The following WIPF3 variants were observed in gnomAD, a reference collection of about 807,000 sequenced individuals.
WIPF3 encodes the protein WAS/WASL-interacting protein family member 3.
In WIPF3, 33 loss-of-function variants were observed where a neutral mutation model predicts 38.9. The ratio of observed to expected loss-of-function variants is 0.85; its 90% CI spans 0.64 to 1.14. WIPF3 has a LOEUF of 1.14. Among genes scored for constraint, WIPF3 ranks in the 50% most tolerant of loss-of-function variants. The pLI, the probability that WIPF3 is intolerant of heterozygous loss-of-function variation, is 0.00. For synonymous variants in WIPF3, 324 were observed against 269.3 expected, an observed-to-expected ratio of 1.20 and a Z score of -1.99; for missense variants, 711 against 652.5, an observed-to-expected ratio of 1.09 and a Z score of -0.98.
At chr7:29,880,745 T>G (rs142531247) in intron 4 of WIPF3, among the ~76,000 whole-genome samples, 1 of 151,846 alleles carries the variant, frequency 6.6e-6, no homozygotes, top group Non-Finnish European at 1.5e-5. Flanking sequence ...GAGATGGAGG[T>G]CCATAAGGAA....
chr7:29,842,299 T>C (rs1225001884), intron 2 of WIPF3, among the ~76,000 whole-genome samples: 3 of 152,256 alleles, frequency 2.0e-5, no homozygotes, highest in Non-Finnish European at 4.4e-5. Flanking sequence ...TGTCTTATTA[T>C]TTAAATACAA....
intron 7 of WIPF3, 77 bp from the exon 8 acceptor site, chr7:29,904,209 A>T: frequency 7.0e-7 from 1 of 1,429,504 alleles, no homozygotes; most frequent in Non-Finnish European, 9.8e-7. Flanking sequence ...GTGCTGATTT[A>T]GAGAAAGTTT....
At position 29,883,868 on chromosome 7, in the gene WIPF3, G is replaced by T; in HGVS notation, c.374G>T (p.Gly125Val). The T allele has an allele frequency of 1.3e-6, 2 of 1,561,820 alleles. No individual in the cohort carries two copies. ...CTTCCAGGTGGCAAGACAGGGCAGG[G>T]CCCTGGCTCCCGCGCGCCCTCTCCC... is the stretch of plus-strand genomic sequence containing the variant. ...RDVAGGKTGQ[G>V]PGSRAPSPRL... The change falls in exon 5 of 9, where the codon GGC (glycine) becomes GTC (valine). Residue 125 changes from glycine (G) to valine (V), a missense_variant. Coordinates refer to ENST00000242140, the MANE Select transcript of WIPF3 (RefSeq NM_001080529.3).
At chr7:29,835,810 T>C (rs1784790793) in intron 2 of WIPF3, among the ~76,000 whole-genome samples, 1 of 152,100 alleles carries the variant, frequency 6.6e-6, no homozygotes, top group Non-Finnish European at 1.5e-5. Flanking sequence ...TGCTTAGAGA[T>C]GGTGTGAGCC....
chr7:29,848,885 C>T (rs994870116), intron 2 of WIPF3, among the ~76,000 whole-genome samples: 1 of 151,860 alleles, frequency 6.6e-6, no homozygotes, highest in Non-Finnish European at 1.5e-5. Context: ...ACTCACATCA[C>T]GTATGCTAAC....
intron 7 of WIPF3, among the ~76,000 whole-genome samples, chr7:29,891,676 AC>A (rs1473347347): frequency 1.3e-5 from 2 of 152,184 alleles, no homozygotes; most frequent in Non-Finnish European, 2.9e-5. Context: ...TACGGCAGGC[AC>A]CCTGTAGGCA....
chr7:29,855,097 AG>A (rs1249064841), intron 2 of WIPF3, among the ~76,000 whole-genome samples: 1 of 152,240 alleles, frequency 6.6e-6, no homozygotes, highest in Non-Finnish European at 1.5e-5. Flanking sequence ...AGCTCTATGA[AG>A]TCCCAGCTTC....
chr7:29,882,283 T>G (rs1429014608), intron 4 of WIPF3, among the ~76,000 whole-genome samples: 1 of 152,266 alleles, frequency 6.6e-6, no homozygotes, highest in African/African-American at 2.4e-5. Context: ...TCCCTTTCAA[T>G]TTCATTCAGC....
intron 6 of WIPF3, among the ~76,000 whole-genome samples, chr7:29,888,872 G>A (rs1167716069): frequency 6.6e-6 from 1 of 152,134 alleles, no homozygotes; most frequent in African/African-American, 2.4e-5. Flanking sequence ...CCATTCCCCA[G>A]TCATTCTGCC....
At chr7:29,868,638 G>A (rs147603276) in intron 2 of WIPF3, among the ~76,000 whole-genome samples, 28 of 151,902 alleles carry the variant, frequency 1.8e-4, no homozygotes, top group African/African-American at 6.8e-4. Context: ...ATGTTCTGAA[G>A]CGTCTACATT....
chr7:29,879,393 G>A (rs1030251294), intron 4 of WIPF3, among the ~76,000 whole-genome samples: 3 of 152,204 alleles, frequency 2.0e-5, no homozygotes, highest in African/African-American at 7.2e-5. Context: ...GTAATAGTGT[G>A]TAATACTTAG....
intron 2 of WIPF3, among the ~76,000 whole-genome samples, chr7:29,853,938 A>G (rs1337320105): frequency 6.6e-6 from 1 of 152,188 alleles, no homozygotes; most frequent in Non-Finnish European, 1.5e-5. Context: ...AAAAGCTCAC[A>G]TTTCATTGCA....
chr7:29,902,265 C>CT (rs141174377), intron 7 of WIPF3, among the ~76,000 whole-genome samples: 37,972 of 107,542 alleles, frequency 0.35, 6,362 homozygotes, highest in East Asian at 0.57. Flanking sequence ...TTTTCTTCTT[C>CT]TTCTTCTTCT....
intron 2 of WIPF3, among the ~76,000 whole-genome samples, chr7:29,843,823 C>T (rs534128986): frequency 1.3e-5 from 2 of 152,172 alleles, no homozygotes; most frequent in Admixed American, 6.5e-5. Context: ...ACTCCACCCA[C>T]GTCAGGTTGT....
intron 1 of WIPF3, among the ~76,000 whole-genome samples, chr7:29,832,766 T>G (rs1205277882): frequency 6.6e-6 from 1 of 152,144 alleles, no homozygotes; most frequent in Non-Finnish European, 1.5e-5. Flanking sequence ...TTGTACAAAT[T>G]TAGATTAATC....
chr7:29,831,287 G>A (rs1364916424), intron 1 of WIPF3, among the ~76,000 whole-genome samples: 1 of 152,204 alleles, frequency 6.6e-6, no homozygotes, highest in South Asian at 2.1e-4. Flanking sequence ...ATGACTCCTA[G>A]TGCCGTTGGC....
chr7:29,893,505 A>G (rs962697987), intron 7 of WIPF3, among the ~76,000 whole-genome samples: 2 of 152,184 alleles, frequency 1.3e-5, no homozygotes, highest in African/African-American at 2.4e-5. Flanking sequence ...TAAGCTGCCA[A>G]TGAACAGGGT....
Position 29,878,044 on chromosome 7 carries a change from C to T in WIPF3, c.224-965C>T, listed in dbSNP as rs1785640118. 6.6e-6 allele frequency among the ~76,000 whole-genome samples: 1 copy of T among 152,152 alleles called. No homozygotes were observed. The highest frequency in any genetic ancestry group is 2.1e-4 in the South Asian group (1 of 4,812). On this transcript the variant is annotated intron_variant, in intron 3 of 8. Coordinates refer to ENST00000242140, the MANE Select transcript of WIPF3 (RefSeq NM_001080529.3). This position sits in a 1 kb window ranked among gnomAD's most constrained non-coding sequence, Gnocchi z 4.0. Reference sequence around the variant, plus strand: ...ATCTGTAATTATAAATGTCAACACACAAGGATAGACAAATTTTTAAAGAAA... The same window carrying T: ...ATCTGTAATTATAAATGTCAACACATAAGGATAGACAAATTTTTAAAGAAA...
intron 4 of WIPF3, among the ~76,000 whole-genome samples, chr7:29,880,799 G>T (rs1481838393): frequency 6.6e-6 from 1 of 152,210 alleles, no homozygotes; most frequent in Non-Finnish European, 1.5e-5. Context: ...CAAGGAGAAA[G>T]CCACCAGATA....
Sources: allele counts gnomAD v4.1 joint callset (sites outside exome capture counted in the v4.1 genomes callset), GRCh38; gene constraint gnomAD v4.1.1; non-coding constraint Gnocchi (gnomAD v3.1); transcripts MANE v1.5; gene names NCBI Gene and HGNC (gene_info 2026-07-23, HGNC 2026-07-21).